DNAJC12: variants seen among roughly 807,000 people sequenced by gnomAD.
The protein encoded by DNAJC12 is dnaJ homolog subfamily C member 12.
In DNAJC12, 25 loss-of-function variants were observed where a neutral mutation model predicts 28.5. The ratio of observed to expected loss-of-function variants is 0.88; its 90% CI spans 0.64 to 1.22. The LOEUF is 1.22. Among genes scored for constraint, DNAJC12 ranks in the 50% most tolerant of loss-of-function variants. DNAJC12 has a pLI of 0.00. For synonymous variants in DNAJC12, 77 were observed against 80.6 expected (o/e 0.95, Z 0.24); for missense variants, 222 against 231.7 (o/e 0.96, Z 0.27).
intron 4 of DNAJC12, among the ~76,000 whole-genome samples, chr10:67,799,654 G>A (rs1421419974): frequency 6.6e-6 from 1 of 152,236 alleles, no homozygotes; most frequent in East Asian, 1.9e-4. Context: ...GGAGGCCGAG[G>A]CGGGCAGATC....
chr10:67,830,169 A>T (rs1413787711), intron 1 of DNAJC12, among the ~76,000 whole-genome samples: 1 of 152,030 alleles, frequency 6.6e-6, no homozygotes, highest in Non-Finnish European at 1.5e-5. Flanking sequence ...AAAATTAAAA[A>T]ATTAGCCTGG....
chr10:67,824,497 T>A (rs945381449), intron 1 of DNAJC12, among the ~76,000 whole-genome samples: 11 of 151,874 alleles, frequency 7.2e-5, no homozygotes. Flanking sequence ...TGTTACCAAT[T>A]AGGAGCTTCA....
chr10:67,823,978 C>T (rs1842005485), intron 1 of DNAJC12, among the ~76,000 whole-genome samples: 1 of 152,162 alleles, frequency 6.6e-6, no homozygotes, highest in African/African-American at 2.4e-5. Flanking sequence ...TGGCTCACGC[C>T]TGTAATCCTT....
rs1841677484 is a variant in DNAJC12 at position 67,796,815 on chromosome 10, T to G, written c.*301A>C. On this transcript the variant is annotated 3_prime_UTR_variant, in exon 5 of 5. Transcript: ENST00000225171. ...ATGTCAATGAAATATTTAAATACAC[T>G]GTACAGAGATTGCTTTTTAATGGAT... The G allele has an allele frequency of 5.1e-6, 1 of 195,300 alleles. No individual in the cohort carries two copies. 12.1% of individuals were successfully genotyped at this position (195,300 alleles called of 1,614,324 possible).
chr10:67,797,299 T>A, intron 4 of DNAJC12, 89 bp from the exon 5 acceptor site: 1 of 1,011,872 alleles, frequency 9.9e-7, no homozygotes, highest in Non-Finnish European at 1.5e-6. Flanking sequence ...AATATTTCAC[T>A]GCAGCAGGTA....
chr10:67,797,148 G>A lies in DNAJC12; in HGVS notation c.565C>T (p.Leu189Phe). Residue 189 changes from leucine to phenylalanine, a missense_variant, in exon 5 of 5, where the codon CTC becomes TTC. By Grantham distance (22) the Leu-to-Phe change is conservative. Transcript: ENST00000225171. ...FRWSKDAPSE[L>F]LRKFRNYEI ...TCATAGTTTCTGAACTTCCTCAGGA[G>A]TTCTGAGGGAGCATCCTTGGACCAG... is the stretch of plus-strand genomic sequence containing the variant. 1.2e-6 allele frequency: 2 copies of A among 1,613,612 alleles called. No homozygotes were observed. The highest frequency in any genetic ancestry group is 1.7e-6 in the Non-Finnish European group (2 of 1,179,736).
chr10:67,800,901 C>T (rs912377500), intron 4 of DNAJC12, among the ~76,000 whole-genome samples: 2 of 151,572 alleles, frequency 1.3e-5, no homozygotes, highest in African/African-American at 2.4e-5. Flanking sequence ...CGAGGTGGTG[C>T]CACTGCACTC....
intron 1 of DNAJC12, among the ~76,000 whole-genome samples, chr10:67,832,157 C>T (rs1842100231): frequency 6.6e-6 from 1 of 150,966 alleles, no homozygotes; most frequent in Non-Finnish European, 1.5e-5. Context: ...CCCAGCTACT[C>T]GGGGGGCTGA....
chr10:67,806,735 G>A (rs1296946719), intron 3 of DNAJC12, among the ~76,000 whole-genome samples: 1 of 151,168 alleles, frequency 6.6e-6, no homozygotes, highest in Admixed American at 6.6e-5. Context: ...TGAGGCGGGA[G>A]AATTGCTTGA....
rs543140601 is a variant in DNAJC12 at position 67,813,546 on chromosome 10, G to A, written c.158-1883C>T. Among the ~76,000 whole-genome samples the A allele has an allele frequency of 4.2e-3, 635 of 150,540 alleles. 6 individuals carry two copies. The highest frequency in any genetic ancestry group is 0.021 in the Middle Eastern group (6 of 292). On this transcript the variant is annotated intron_variant, in intron 2 of 4. Transcript: ENST00000225171. ...GGGCGGATCACGAGGTCAGGAGTTCGAGACCAGTCTGGCCAACATGGTGAA... is the reference window on the plus strand; with the variant it reads ...GGGCGGATCACGAGGTCAGGAGTTCAAGACCAGTCTGGCCAACATGGTGAA...
chr10:67,797,713 G>A (rs4595433), intron 4 of DNAJC12, among the ~76,000 whole-genome samples: 6,514 of 152,170 alleles, frequency 0.043, 610 homozygotes, highest in East Asian at 0.38. Context: ...CCCTCTGGCA[G>A]GCAATTTGGC....
intron 1 of DNAJC12, among the ~76,000 whole-genome samples, chr10:67,835,717 G>GGC (rs1842135912): frequency 1.7e-5 from 2 of 118,954 alleles, no homozygotes; most frequent in Non-Finnish European, 3.9e-5. Flanking sequence ...GAGAAAAAAT[G>GGC]ACACACACAC....
intron 4 of DNAJC12, among the ~76,000 whole-genome samples, chr10:67,801,681 T>C (rs1476126425): frequency 6.6e-6 from 1 of 151,484 alleles, no homozygotes; most frequent in Non-Finnish European, 1.5e-5. Context: ...TCCCAGCTAC[T>C]TGGGAGGCTG....
At position 67,826,787 on chromosome 10, in the gene DNAJC12, C is replaced by A. The variant is rs1430073650; in HGVS notation, c.79-3395G>T. On this transcript the variant is annotated intron_variant, in intron 1 of 4. Coordinates refer to ENST00000225171, the MANE Select transcript of DNAJC12 (RefSeq NM_021800.3). ...ATATCTAATGATATATAATATATAT[C>A]ATTAGATATCAGATATATAATGATA... Among the ~76,000 whole-genome samples, 14 of 106,184 alleles carry A rather than the reference C, an allele frequency of 1.3e-4. 2 individuals carry two copies. The highest frequency in any genetic ancestry group is 8.1e-4 in the Admixed American group (7 of 8,604). 69.7% of individuals were successfully genotyped at this position (106,184 alleles called of 152,430 possible). A position where few individuals can be genotyped will look rare whatever the true frequency, so the allele number is the denominator to read the frequency against.
chr10:67,814,504 T>C (rs998675118), intron 2 of DNAJC12, among the ~76,000 whole-genome samples: 2 of 151,368 alleles, frequency 1.3e-5, no homozygotes, highest in Non-Finnish European at 2.9e-5. Context: ...AAAGAAGAAA[T>C]AGATAAATTG....
intron 1 of DNAJC12, among the ~76,000 whole-genome samples, chr10:67,826,488 CTTATATATATGCAT>C (rs1189806015): frequency 7.0e-6 from 1 of 142,520 alleles, no homozygotes; most frequent in East Asian, 2.0e-4. Flanking sequence ...ATATAAGATG[CTTATATATATGCAT>C]ATATATCATA....
At chr10:67,799,187 A>G (rs1260269874) in intron 4 of DNAJC12, among the ~76,000 whole-genome samples, 2 of 152,206 alleles carry the variant, frequency 1.3e-5, no homozygotes, top group African/African-American at 4.8e-5. Context: ...GTTACAGAAT[A>G]ATATATAAAA....
rs1055863687 is a variant in DNAJC12, at chr10:67,796,816, G to A, written c.*300C>T. On this transcript the variant is annotated 3_prime_UTR_variant, in exon 5 of 5. Coordinates refer to ENST00000225171, the MANE Select transcript of DNAJC12 (RefSeq NM_021800.3). ...TGTCAATGAAATATTTAAATACACT[G>A]TACAGAGATTGCTTTTTAATGGATT... The A allele has an allele frequency of 4.7e-6, 1 of 212,628 alleles. No individual in the cohort carries two copies. Among genetic ancestry groups the A allele is most frequent in the African/African-American group, 2.3e-5 (1 of 43,458 alleles). The allele number at this position is 212,628 out of a possible 1,614,324, so 13.2% of individuals were successfully genotyped here.
At chr10:67,819,660 GAGAA>G (rs60688341) in intron 2 of DNAJC12, among the ~76,000 whole-genome samples, 1,168 of 34,890 alleles carry the variant, frequency 0.033, 105 homozygotes, top group East Asian at 0.056. Context: ...AAGAAAGAAA[GAGAA>G]AGAAAGAAAG....
Sources: allele counts gnomAD v4.1 joint callset (sites outside exome capture counted in the v4.1 genomes callset), GRCh38; gene constraint gnomAD v4.1.1; transcripts MANE v1.5; gene names NCBI Gene and HGNC (gene_info 2026-07-23, HGNC 2026-07-21).